WASF1: variants seen among roughly 807,000 people sequenced by gnomAD.
The protein encoded by WASF1 is WASP family member 1.
Under a neutral mutation model 50.5 loss-of-function variants are expected in WASF1, and 7 were observed. That is an observed-to-expected ratio of 0.14 (90% CI 0.08 to 0.26). WASF1 has a LOEUF of 0.26. WASF1 is among the 10% of genes least tolerant of loss of function. The probability of loss-of-function intolerance (pLI) is 1.00; values close to 1 mark genes in which losing one functional copy is unlikely to be tolerated. For missense variants in WASF1, 470 were observed against 694.7 expected (o/e 0.68, Z 3.64); for synonymous variants, 205 against 244.0 (o/e 0.84, Z 1.49).
intron 8 of WASF1, 150 bp downstream of exon 8, chr6:110,105,257 G>T: frequency 1.2e-6 from 1 of 813,964 alleles, no homozygotes; most frequent in Non-Finnish European, 1.8e-6. Context: ...GACTTTAGTA[G>T]GCTCACAGTG....
chr6:110,176,349 AC>A (rs1467968600), intron 2 of WASF1, among the ~76,000 whole-genome samples: 2 of 152,082 alleles, frequency 1.3e-5, no homozygotes, highest in African/African-American at 4.8e-5. Flanking sequence ...AAATATGTTA[AC>A]ATACATCTTC....
rs1438142851 is a variant in WASF1 at position 110,099,893 on chromosome 6, T to C, written c.*629A>G. 1 of 152,652 alleles carries C rather than the reference T, an allele frequency of 6.6e-6. No individual in the cohort carries two copies. The highest frequency in any genetic ancestry group is 1.5e-5 in the Non-Finnish European group (1 of 68,046). The allele number at this position is 152,652 out of a possible 1,614,324, so 9.5% of individuals were successfully genotyped here. A position where few individuals can be genotyped will look rare whatever the true frequency, so the allele number is the denominator to read the frequency against. On this transcript the variant is annotated 3_prime_UTR_variant, in exon 11 of 11. Coordinates refer to ENST00000392589, the MANE Select transcript of WASF1 (RefSeq NM_003931.3). The stretch of plus-strand genomic sequence containing the variant: ...TATGTAAGTTACATGTATGTTTAAG[T>C]CAGAGTATTTCACATGGAAAAGTTT...
At chr6:110,143,721 T>C (rs1327262243) in intron 3 of WASF1, among the ~76,000 whole-genome samples, 1 of 152,180 alleles carries the variant, frequency 6.6e-6, no homozygotes, top group African/African-American at 2.4e-5. Flanking sequence ...AAGTATTTTA[T>C]TACCTAATCA....
chr6:110,151,144 G>A (rs1196562915), intron 3 of WASF1, among the ~76,000 whole-genome samples: 1 of 152,006 alleles, frequency 6.6e-6, no homozygotes, highest in Non-Finnish European at 1.5e-5. Context: ...TGGGTCATAG[G>A]GTATATATAC....
chr6:110,144,541 G>C (rs1377237153), intron 3 of WASF1, among the ~76,000 whole-genome samples: 17 of 152,158 alleles, frequency 1.1e-4, no homozygotes, highest in Non-Finnish European at 2.2e-4. Flanking sequence ...CCTTGCCCAT[G>C]CCTATGTCCT....
At chr6:110,113,235 T>C (rs370920963) in intron 5 of WASF1, 91 bp downstream of exon 5, 344 of 1,168,928 alleles carry the variant, frequency 2.9e-4, no homozygotes, top group Middle Eastern at 1.5e-3. Flanking sequence ...TGATCTGTAA[T>C]AAATTCATGA....
At chr6:110,106,950 T>C in intron 7 of WASF1, 127 bp downstream of exon 7, 2 of 677,118 alleles carry the variant, frequency 3.0e-6, no homozygotes, top group Non-Finnish European at 5.0e-6. Context: ...TTATAAAGAC[T>C]TCAGTATTTA....
intron 3 of WASF1, among the ~76,000 whole-genome samples, chr6:110,147,365 T>C (rs1027731404): frequency 1.3e-5 from 2 of 150,560 alleles, no homozygotes; most frequent in African/African-American, 4.9e-5. Flanking sequence ...AAAAAAAAAT[T>C]ATGTCACCTG....
chr6:110,164,347 C>T (rs757351212), intron 2 of WASF1, among the ~76,000 whole-genome samples: 7 of 151,586 alleles, frequency 4.6e-5, no homozygotes, highest in Non-Finnish European at 1.0e-4. Context: ...TCTTGAAATT[C>T]AACAAGAAAA....
chr6:110,155,560 T>A, intron 3 of WASF1, among the ~76,000 whole-genome samples: 1 of 117,506 alleles, frequency 8.5e-6, no homozygotes, highest in Non-Finnish European at 1.7e-5. Context: ...TTTTTTTTTT[T>A]TTTTTATTAT....
intron 3 of WASF1, among the ~76,000 whole-genome samples, chr6:110,158,545 C>CA (rs1776123274): frequency 6.6e-6 from 1 of 151,722 alleles, no homozygotes; most frequent in African/African-American, 2.4e-5. Flanking sequence ...GGATCCTATT[C>CA]GGCCATCTTG....
At chr6:110,154,639 TTC>T (rs1775976711) in intron 3 of WASF1, among the ~76,000 whole-genome samples, 1 of 152,086 alleles carries the variant, frequency 6.6e-6, no homozygotes, top group African/African-American at 2.4e-5. Flanking sequence ...TTATACACTT[TTC>T]TGTTGATTAA....
At chr6:110,125,173 G>C (rs1774366341) in intron 4 of WASF1, among the ~76,000 whole-genome samples, 2 of 152,006 alleles carry the variant, frequency 1.3e-5, no homozygotes, top group Non-Finnish European at 2.9e-5. Flanking sequence ...TGTATTCTAA[G>C]CTTCCCTCTT....
intron 4 of WASF1, among the ~76,000 whole-genome samples, chr6:110,124,900 A>G (rs1159608536): frequency 6.6e-6 from 1 of 152,044 alleles, no homozygotes; most frequent in East Asian, 1.9e-4. Flanking sequence ...ACAGAGCAAG[A>G]CTCTGTTTCA....
At chr6:110,173,270 A>G (rs898235972) in intron 2 of WASF1, among the ~76,000 whole-genome samples, 3 of 152,124 alleles carry the variant, frequency 2.0e-5, no homozygotes, top group African/African-American at 7.2e-5. Context: ...GGAATAAAGA[A>G]TGGCTACATG....
intron 4 of WASF1, among the ~76,000 whole-genome samples, chr6:110,126,986 C>A (rs1188801875): frequency 2.0e-5 from 3 of 152,068 alleles, no homozygotes; most frequent in Non-Finnish European, 2.9e-5. Context: ...CTTAGACATC[C>A]CACTTGACTA....
chr6:110,168,289 A>G (rs1776558599), intron 2 of WASF1, among the ~76,000 whole-genome samples: 1 of 152,096 alleles, frequency 6.6e-6, no homozygotes, highest in Non-Finnish European at 1.5e-5. Flanking sequence ...TTCTGTACTT[A>G]GTATAGCATT....
intron 4 of WASF1, among the ~76,000 whole-genome samples, chr6:110,114,316 A>C (rs1008801029): frequency 1.3e-5 from 2 of 152,214 alleles, no homozygotes; most frequent in African/African-American, 4.8e-5. Flanking sequence ...ATAACACTAC[A>C]AGATAAAGTT....
At chr6:110,122,123 A>G (rs1774163704) in intron 4 of WASF1, among the ~76,000 whole-genome samples, 1 of 152,112 alleles carries the variant, frequency 6.6e-6, no homozygotes, top group Non-Finnish European at 1.5e-5. Flanking sequence ...ACCATGGCAC[A>G]TGTATACCTA....
Sources: allele counts gnomAD v4.1 joint callset (sites outside exome capture counted in the v4.1 genomes callset), GRCh38; gene constraint gnomAD v4.1.1; transcripts MANE v1.5; gene names NCBI Gene and HGNC (gene_info 2026-07-23, HGNC 2026-07-21).